DPF3: variants seen among roughly 807,000 people sequenced by gnomAD.
The protein encoded by DPF3 is double PHD fingers 3.
Under a neutral mutation model 56.8 loss-of-function variants are expected in DPF3, and 18 were observed. The observed-to-expected ratio is 0.32, with a 90% confidence interval of 0.22 to 0.47. The LOEUF is 0.47. Ranked by LOEUF, DPF3 falls within the 20% of genes least tolerant of loss-of-function variation. The pLI is 1.00. For synonymous variants in DPF3, 188 were observed against 180.2 expected, an observed-to-expected ratio of 1.04 and a Z score of -0.35; for missense variants, 403 against 488.8, an observed-to-expected ratio of 0.82 and a Z score of 1.65.
chr14:72,613,838 G>A lies in DPF3; in HGVS notation c.*5459C>T, dbSNP rs1013070633. ...TGCGCACATGGAGGGGGCGCCCGCC[G>A]CACAGCCAGGCCTCCCCGGGGACAG... is the stretch of plus-strand genomic sequence containing the variant. On this transcript the variant is annotated 3_prime_UTR_variant, in exon 11 of 11. Coordinates refer to ENST00000556509, the MANE Select transcript of DPF3 (RefSeq NM_001280542.3). Among the ~76,000 whole-genome samples the A allele has an allele frequency of 6.6e-6, 1 of 152,136 alleles. No homozygotes were observed. Among genetic ancestry groups the A allele is most frequent in the Non-Finnish European group, 1.5e-5 (1 of 68,020 alleles).
intron 2 of DPF3, among the ~76,000 whole-genome samples, chr14:72,756,592 C>T (rs1449174331): frequency 6.6e-6 from 1 of 152,094 alleles, no homozygotes; most frequent in African/African-American, 2.4e-5. Context: ...GCCAGCAGAT[C>T]ACTGAAGCCC....
chr14:72,711,260 T>G (rs1268006099), intron 6 of DPF3, among the ~76,000 whole-genome samples: 2 of 152,124 alleles, frequency 1.3e-5, no homozygotes, highest in Non-Finnish European at 2.9e-5. Context: ...GGACGGCAAA[T>G]CTGTGGAGAA....
chr14:72,626,567 T>C (rs1243719790), intron 9 of DPF3, among the ~76,000 whole-genome samples: 1 of 152,168 alleles, frequency 6.6e-6, no homozygotes, highest in African/African-American at 2.4e-5. Context: ...CCATTGTTTA[T>C]TCAACAACTA....
chr14:72,884,944 A>ATATATATATATATATATATC (rs1886462611), intron 1 of DPF3, among the ~76,000 whole-genome samples: 1 of 67,652 alleles, frequency 1.5e-5, no homozygotes, highest in African/African-American at 5.3e-5. Flanking sequence ...AAAATACTAT[A>ATATATATATATATATATATC]TATATATATA....
At chr14:72,852,402 C>T (rs1885018642) in intron 1 of DPF3, among the ~76,000 whole-genome samples, 1 of 152,174 alleles carries the variant, frequency 6.6e-6, no homozygotes, top group Non-Finnish European at 1.5e-5. Context: ...AGTCTGGATG[C>T]AATTTGCCAC....
At chr14:72,759,230 A>G (rs999245453) in intron 2 of DPF3, among the ~76,000 whole-genome samples, 3 of 152,244 alleles carry the variant, frequency 2.0e-5, no homozygotes, top group African/African-American at 7.2e-5. Flanking sequence ...ACTTGAAAAC[A>G]CAGCAATAGA....
chr14:72,839,072 C>CA (rs1884442318), intron 1 of DPF3, among the ~76,000 whole-genome samples: 1 of 151,230 alleles, frequency 6.6e-6, no homozygotes, highest in Admixed American at 6.6e-5. Context: ...AGGAGCACGC[C>CA]ACCACACCCA....
At chr14:72,777,332 A>G (rs1449862161) in intron 1 of DPF3, among the ~76,000 whole-genome samples, 1 of 152,244 alleles carries the variant, frequency 6.6e-6, no homozygotes, top group Admixed American at 6.5e-5. Context: ...AGTCTTTTAG[A>G]ATAACTGGCA....
chr14:72,723,113 G>T (rs1889251816), intron 5 of DPF3, among the ~76,000 whole-genome samples: 1 of 151,886 alleles, frequency 6.6e-6, no homozygotes, highest in Admixed American at 6.6e-5. Flanking sequence ...GCATACATGT[G>T]CCATGTTGGT....
chr14:72,775,854 G>A (rs1891724345), intron 1 of DPF3, among the ~76,000 whole-genome samples: 1 of 152,070 alleles, frequency 6.6e-6, no homozygotes, highest in African/African-American at 2.4e-5. Flanking sequence ...TTCTCCAAAA[G>A]TTAATTAGCC....
Position 72,617,512 on chromosome 14 carries a change from T to G in DPF3, c.*1785A>C, listed in dbSNP as rs1884154849. Among the ~76,000 whole-genome samples, 1 of 152,094 alleles carries G rather than the reference T, an allele frequency of 6.6e-6. No homozygotes were observed. The highest frequency in any genetic ancestry group is 1.5e-5 in the Non-Finnish European group (1 of 68,024). The stretch of plus-strand genomic sequence containing the variant: ...AATTACTTATGAGGAAGATGAAAAT[T>G]CCATCCGGTCGGGGGCCCTTTAAAT... On this transcript the variant is annotated 3_prime_UTR_variant, in exon 11 of 11. Transcript: ENST00000556509.
At chr14:72,630,781 G>A (rs1471465256) in intron 8 of DPF3, among the ~76,000 whole-genome samples, 2 of 152,196 alleles carry the variant, frequency 1.3e-5, no homozygotes, top group African/African-American at 4.8e-5. Flanking sequence ...CCAGTGCCGA[G>A]CACTCACCGT....
chr14:72,799,038 C>A (rs1017661586), intron 1 of DPF3, among the ~76,000 whole-genome samples: 1 of 152,148 alleles, frequency 6.6e-6, no homozygotes, highest in African/African-American at 2.4e-5. Context: ...TGCATTCTCC[C>A]CATCCCATGA....
At chr14:72,740,799 G>A (rs981428210) in intron 3 of DPF3, among the ~76,000 whole-genome samples, 13 of 152,200 alleles carry the variant, frequency 8.5e-5, no homozygotes, top group Admixed American at 2.6e-4. Context: ...TGGGTGCCTC[G>A]GGGCTGAGTT....
intron 1 of DPF3, among the ~76,000 whole-genome samples, chr14:72,881,522 T>C (rs1886324781): frequency 6.6e-6 from 1 of 152,120 alleles, no homozygotes; most frequent in African/African-American, 2.4e-5. Context: ...TCCCTTCCCT[T>C]GAAAGGTCTT....
At chr14:72,688,056 T>C (rs1887487133) in intron 7 of DPF3, among the ~76,000 whole-genome samples, 1 of 151,586 alleles carries the variant, frequency 6.6e-6, no homozygotes, top group Non-Finnish European at 1.5e-5. Flanking sequence ...CTGAGTCCTA[T>C]TTATGCCTGT....
chr14:72,826,250 A>G (rs1544579), intron 1 of DPF3, among the ~76,000 whole-genome samples: 86,729 of 152,122 alleles, frequency 0.57, 25,259 homozygotes, highest in East Asian at 0.89. Flanking sequence ...AAAGCAGCTG[A>G]CTGCTGTCTG....
intron 1 of DPF3, among the ~76,000 whole-genome samples, chr14:72,815,770 G>A (rs1390751750): frequency 1.3e-5 from 2 of 152,152 alleles, no homozygotes; most frequent in Admixed American, 6.5e-5. Context: ...AGGTCAGAAC[G>A]TCCGAAATCA....
At chr14:72,729,137 A>G (rs1889528946) in intron 4 of DPF3, among the ~76,000 whole-genome samples, 1 of 152,060 alleles carries the variant, frequency 6.6e-6, no homozygotes, top group Non-Finnish European at 1.5e-5. Context: ...AATCCCAGCT[A>G]CTCAGGAGGC....
Sources: gnomAD v4.1 joint callset for allele counts (sites outside exome capture counted in the v4.1 genomes callset) on GRCh38, gnomAD v4.1.1 for gene constraint, MANE v1.5 for transcripts, NCBI Gene and HGNC (gene_info 2026-07-23, HGNC 2026-07-21) for gene names.